CHID1: variants seen among roughly 807,000 people sequenced by gnomAD.
CHID1 encodes the protein chitinase domain containing 1, also known as chitinase domain-containing protein 1.
Under a neutral mutation model 55.4 loss-of-function variants are expected in CHID1, and 44 were observed. That is an observed-to-expected ratio of 0.79 (90% CI 0.62 to 1.02). The LOEUF (loss-of-function observed/expected upper bound fraction) is 1.02. Ranked by LOEUF, CHID1 falls within the 50% of genes least tolerant of loss-of-function variation. The pLI is 0.00. For synonymous variants in CHID1, 216 were observed against 212.9 expected (o/e 1.01, Z -0.13); for missense variants, 491 against 515.3 (o/e 0.95, Z 0.46).
At chr11:902,822 G>A (rs576169254) in intron 3 of CHID1, 140 bp downstream of exon 3, 12 of 772,002 alleles carry the variant, frequency 1.6e-5, no homozygotes, top group Middle Eastern at 3.6e-4. Context: ...CTCTCCCACC[G>A]TAGCCTCACA....
Position 880,742 on chromosome 11 carries a change from C to T in CHID1, c.959+2406G>A, listed in dbSNP as rs530244405. Among the ~76,000 whole-genome samples, 5 of 152,302 alleles carry T rather than the reference C, an allele frequency of 3.3e-5. No individual in the cohort carries two copies. In the South Asian group the frequency reaches 8.3e-4, roughly 25 times the overall value. ...GGCTGACACACGCACACACCCCTCA[C>T]GGAGGGCAGGCCTGTGGGGGACCTG... On this transcript the variant is annotated intron_variant, in intron 10 of 12. Transcript: ENST00000323578.
chr11:871,261 A>C (rs1849159207), intron 10 of CHID1, among the ~76,000 whole-genome samples: 1 of 151,998 alleles, frequency 6.6e-6, no homozygotes, highest in Non-Finnish European at 1.5e-5. Flanking sequence ...AAAGTGCTGG[A>C]ATTACAGGCG....
In CHID1 at chr11:869,733, AC is replaced by A. The variant is rs370881311; in HGVS notation, c.*124del. The A allele has an allele frequency of 7.6e-4, 624 of 815,792 alleles. 2 individuals are homozygous for A. Among genetic ancestry groups the A allele is most frequent in the African/African-American group, 7.6e-3 (450 of 59,512 alleles). The allele number at this position is 815,792 out of a possible 1,614,324, so 50.5% of individuals were successfully genotyped here. On this transcript the variant is annotated 3_prime_UTR_variant, in exon 13 of 13. Transcript: ENST00000323578. ...GATGGGGAGTCACATGGTGCCCAGGACCCCCGACTGAGGACTGCAGCAGACC... is the reference window on the plus strand; with the variant it reads ...GATGGGGAGTCACATGGTGCCCAGGACCCCGACTGAGGACTGCAGCAGACC...
intron 7 of CHID1, among the ~76,000 whole-genome samples, chr11:896,643 C>G: frequency 7.4e-6 from 1 of 135,606 alleles, no homozygotes; most frequent in Non-Finnish European, 1.6e-5. Flanking sequence ...CAGCCTCCAC[C>G]CCAGACACGA....
Position 875,609 on chromosome 11 carries a change from A to C in CHID1, c.960-5110T>G, listed in dbSNP as rs1849460163. On this transcript the variant is annotated intron_variant, in intron 10 of 12. Coordinates refer to ENST00000323578, the MANE Select transcript of CHID1 (RefSeq NM_023947.4). This position sits in a 1 kb window ranked among gnomAD's most constrained non-coding sequence, Gnocchi z 4.7. ...CGGGGATCGGGGCTGGGGTTGCTGA[A>C]ACTCTTAGCGCCACATGAGGCCGAG... Among the ~76,000 whole-genome samples, 1 of 152,008 alleles carries C rather than the reference A, an allele frequency of 6.6e-6. No individual in the cohort carries two copies. The highest frequency in any genetic ancestry group is 6.5e-5 in the Admixed American group (1 of 15,270).
intron 1 of CHID1, among the ~76,000 whole-genome samples, chr11:906,793 C>T (rs1056187798): frequency 3.9e-5 from 6 of 152,082 alleles, no homozygotes; most frequent in African/African-American, 1.4e-4. Flanking sequence ...CGTCGGGAGG[C>T]CAAGGCAGGC....
At chr11:884,237 TCGAG>T (rs1251712909) in intron 8 of CHID1, 68 bp from the exon 9 acceptor site, 1 of 1,244,262 alleles carries the variant, frequency 8.0e-7, no homozygotes, top group Non-Finnish European at 1.2e-6. Context: ...CAGCTGCGGT[TCGAG>T]CAAGCTGCCT....
intron 10 of CHID1, among the ~76,000 whole-genome samples, chr11:879,047 C>T (rs988311091): frequency 2.0e-5 from 3 of 152,110 alleles, no homozygotes; most frequent in South Asian, 2.1e-4. Flanking sequence ...GGGGTTTCAC[C>T]GTGTTAGCCA....
intron 10 of CHID1, among the ~76,000 whole-genome samples, chr11:879,657 T>A (rs1252519794): frequency 6.6e-6 from 1 of 152,216 alleles, no homozygotes; most frequent in African/African-American, 2.4e-5. Context: ...AGCTGCCCCA[T>A]CTATGGTACT....
intron 5 of CHID1, 133 bp from the exon 6 acceptor site, chr11:900,243 C>T: frequency 1.5e-6 from 1 of 660,640 alleles, no homozygotes; most frequent in Non-Finnish European, 2.7e-6. Context: ...GGCAGGGAGG[C>T]CACCTGGAGC....
rs190447907 is a variant in CHID1 at position 872,031 on chromosome 11, A to G, written c.960-1532T>C. Among the ~76,000 whole-genome samples the G allele has an allele frequency of 2.0e-5, 3 of 152,338 alleles. No individual in the cohort carries two copies. In the East Asian group the frequency reaches 5.8e-4, roughly 29 times the overall value. On this transcript the variant is annotated intron_variant, in intron 10 of 12. Transcript: ENST00000323578. ...AGTGCTCGACAAAGTGCCAGACCCC[A>G]TCGGGTAGCTCTGGCCTTTTGGGGC...
At chr11:912,187 G>T (rs1316076548), upstream of CHID1, among the ~76,000 whole-genome samples, 1 of 152,184 alleles carries the variant, frequency 6.6e-6, no homozygotes, top group Non-Finnish European at 1.5e-5. Flanking sequence ...GCGTGGTGGC[G>T]CATGCCTGTA....
intron 10 of CHID1, among the ~76,000 whole-genome samples, chr11:880,660 C>T (rs1849849523): frequency 2.0e-5 from 3 of 152,174 alleles, no homozygotes; most frequent in Admixed American, 2.0e-4. Flanking sequence ...TCTGCCCCTC[C>T]CCACGGCCGA....
intron 10 of CHID1, among the ~76,000 whole-genome samples, chr11:878,580 C>G (rs1280861657): frequency 6.6e-6 from 1 of 151,990 alleles, no homozygotes; most frequent in African/African-American, 2.4e-5. Context: ...AAAAAAATTC[C>G]TTTTCTTTAT....
At chr11:887,776 C>T (rs866104084) in intron 8 of CHID1, among the ~76,000 whole-genome samples, 2 of 152,182 alleles carry the variant, frequency 1.3e-5, no homozygotes, top group Middle Eastern at 3.2e-3. Context: ...TCGTGTGCCT[C>T]CCCCACATCC....
At chr11:906,241 CTTTT>C (rs932290374) in intron 1 of CHID1, among the ~76,000 whole-genome samples, 2 of 134,890 alleles carry the variant, frequency 1.5e-5, no homozygotes, top group Non-Finnish European at 3.2e-5. Flanking sequence ...GGCTGTGGGA[CTTTT>C]TTTTTTTTTT....
Position 870,117 on chromosome 11 carries a change from G to C in CHID1, c.1083+4C>G, listed in dbSNP as rs754840899. ...CCCGGTCCCACGGCTGGCAGCACACGCACCTTCAGGGTTGGGTAGAAGACG... is the reference window on the plus strand; with the variant it reads ...CCCGGTCCCACGGCTGGCAGCACACCCACCTTCAGGGTTGGGTAGAAGACG... On this transcript the variant is annotated splice_donor_region_variant and intron_variant, in intron 12 of 12. Coordinates refer to ENST00000323578, the MANE Select transcript of CHID1 (RefSeq NM_023947.4). The C allele has an allele frequency of 6.2e-7, 1 of 1,612,758 alleles. No homozygotes were observed. The highest frequency in any genetic ancestry group is 1.3e-5 in the African/African-American group (1 of 74,874).
chr11:913,418 A>T (rs1457154497), upstream of CHID1, among the ~76,000 whole-genome samples: 1 of 152,174 alleles, frequency 6.6e-6, no homozygotes, highest in African/African-American at 2.4e-5. Context: ...ATTGTTTGAA[A>T]TGTTGAAAAT....
At chr11:914,567 C>G (rs1310546347), upstream of CHID1, 13 of 1,289,320 alleles carry the variant, frequency 1.0e-5, no homozygotes, top group Non-Finnish European at 1.3e-5. Flanking sequence ...CTCTCACAGA[C>G]ATCCTCAAAA....
Sources: allele counts gnomAD v4.1 joint callset (sites outside exome capture counted in the v4.1 genomes callset), GRCh38; gene constraint gnomAD v4.1.1; non-coding constraint Gnocchi (gnomAD v3.1); transcripts MANE v1.5; gene names NCBI Gene and HGNC (gene_info 2026-07-23, HGNC 2026-07-21).